The following MECOM variants were observed in gnomAD, a reference collection of about 807,000 sequenced individuals.
MECOM encodes MDS1 and EVI1 complex locus, also known as histone-lysine N-methyltransferase MECOM.
MECOM carries 13 observed loss-of-function variants against 116.3 expected under a neutral mutation model. That is an observed-to-expected ratio of 0.11 (90% CI 0.07 to 0.18). The LOEUF (loss-of-function observed/expected upper bound fraction) is 0.18. Among genes scored for constraint, MECOM ranks in the 10% least tolerant of loss-of-function variants. The pLI, the probability that MECOM is intolerant of heterozygous loss-of-function variation, is 1.00. For missense variants in MECOM, 1,299 were observed against 1,509.0 expected (o/e 0.86, Z 2.31); for synonymous variants, 528 against 535.2 (o/e 0.99, Z 0.19).
intron 1 of MECOM, among the ~76,000 whole-genome samples, chr3:169,585,633 G>A (rs1196663628): frequency 1.3e-5 from 2 of 152,188 alleles, no homozygotes; most frequent in Non-Finnish European, 2.9e-5. Context: ...TGTCAGACTG[G>A]TTTGCTGCCT....
intron 1 of MECOM, among the ~76,000 whole-genome samples, chr3:169,429,841 T>C (rs1741315516): frequency 6.6e-6 from 1 of 152,168 alleles, no homozygotes; most frequent in African/African-American, 2.4e-5. Context: ...TAAGATATTG[T>C]GCATAAAAAA....
At chr3:169,371,287 T>G (rs758935979) in intron 2 of MECOM, among the ~76,000 whole-genome samples, 23 of 151,950 alleles carry the variant, frequency 1.5e-4, no homozygotes, top group Non-Finnish European at 3.2e-4. Context: ...ATGATTTCAC[T>G]TATATGTGGA....
chr3:169,468,684 C>T (rs1748705954), intron 1 of MECOM, among the ~76,000 whole-genome samples: 1 of 152,176 alleles, frequency 6.6e-6, no homozygotes, highest in African/African-American at 2.4e-5. Context: ...AAATCAAATG[C>T]TATAAGCATT....
At chr3:169,358,809 G>A (rs146531050) in intron 2 of MECOM, among the ~76,000 whole-genome samples, 171 of 151,858 alleles carry the variant, frequency 1.1e-3, no homozygotes, top group African/African-American at 4.0e-3. Flanking sequence ...AAACGTAAGT[G>A]GCTTTCAAAA....
intron 2 of MECOM, among the ~76,000 whole-genome samples, chr3:169,340,097 G>T (rs915484403): frequency 2.6e-5 from 4 of 152,098 alleles, no homozygotes; most frequent in African/African-American, 7.2e-5. Context: ...TTACATACAT[G>T]CACATTTTTC....
rs1037209591 is a variant in MECOM, at chr3:169,611,249, T to C, written c.37+52087A>G. 2.0e-5 allele frequency among the ~76,000 whole-genome samples: 3 copies of C among 152,212 alleles called. No individual in the cohort carries two copies. The highest frequency in any genetic ancestry group is 1.3e-4 in the Admixed American group (2 of 15,280). On this transcript the variant is annotated intron_variant, in intron 1 of 16. Coordinates refer to ENST00000651503, the MANE Select transcript of MECOM (RefSeq NM_004991.4). This position sits in a 1 kb window ranked among gnomAD's most constrained non-coding sequence, Gnocchi z 4.1. Reference sequence around the variant, plus strand: ...TTGCAAATTCACCAAGAGTGACAGATAGTGCCTCGGGCACTGCCACTGTCT... The same window carrying C: ...TTGCAAATTCACCAAGAGTGACAGACAGTGCCTCGGGCACTGCCACTGTCT...
intron 1 of MECOM, among the ~76,000 whole-genome samples, chr3:169,574,060 T>G (rs1034450996): frequency 3.3e-5 from 5 of 152,212 alleles, no homozygotes; most frequent in Admixed American, 1.3e-4. Flanking sequence ...CTCCATACAT[T>G]TTTATGCTGT....
At chr3:169,196,366 T>C (rs1230456909) in intron 2 of MECOM, among the ~76,000 whole-genome samples, 1 of 152,016 alleles carries the variant, frequency 6.6e-6, no homozygotes, top group African/African-American at 2.4e-5. Flanking sequence ...AAAAGTAAAG[T>C]TGCTAGAGGC....
intron 2 of MECOM, among the ~76,000 whole-genome samples, chr3:169,176,361 T>A (rs1195427225): frequency 1.3e-5 from 2 of 152,048 alleles, no homozygotes; most frequent in African/African-American, 4.8e-5. Context: ...AAACAAGCAA[T>A]GAGGAAAGGA....
At chr3:169,366,847 G>A (rs1006540479) in intron 2 of MECOM, among the ~76,000 whole-genome samples, 7 of 152,148 alleles carry the variant, frequency 4.6e-5, no homozygotes, top group African/African-American at 1.7e-4. Context: ...GAGGCACAAA[G>A]CATCCATCTC....
chr3:169,357,548 T>A (rs1196175125), intron 2 of MECOM, among the ~76,000 whole-genome samples: 2 of 151,842 alleles, frequency 1.3e-5, no homozygotes, highest in Non-Finnish European at 2.9e-5. Context: ...CCCTTCTTCA[T>A]AAGCACATGC....
intron 1 of MECOM, among the ~76,000 whole-genome samples, chr3:169,639,641 A>G (rs1320885191): frequency 1.3e-5 from 2 of 152,236 alleles, no homozygotes; most frequent in Admixed American, 1.3e-4. Flanking sequence ...AATATCTTCC[A>G]AGTATATACT....
At chr3:169,382,879 A>AAAGAAG (rs1732702190) in intron 1 of MECOM, among the ~76,000 whole-genome samples, 16 of 138,538 alleles carry the variant, frequency 1.2e-4, no homozygotes, top group African/African-American at 2.7e-4. Context: ...AAAAATAAAA[A>AAAGAAG]AAGAAGGTAA....
At chr3:169,413,438 A>G (rs1737920273) in intron 1 of MECOM, among the ~76,000 whole-genome samples, 1 of 152,018 alleles carries the variant, frequency 6.6e-6, no homozygotes, top group African/African-American at 2.4e-5. Context: ...CCATTTGGGC[A>G]GACACCAAGC....
At chr3:169,341,469 C>T (rs1018554273) in intron 2 of MECOM, among the ~76,000 whole-genome samples, 9 of 148,736 alleles carry the variant, frequency 6.1e-5, no homozygotes, top group Admixed American at 2.0e-4. Flanking sequence ...GGGCCGAGCG[C>T]GGTGGCTCAC....
chr3:169,160,817 C>A (rs1577215507), intron 2 of MECOM, among the ~76,000 whole-genome samples: 1 of 151,824 alleles, frequency 6.6e-6, no homozygotes, highest in Non-Finnish European at 1.5e-5. Flanking sequence ...CTGCTATGTA[C>A]CCACAAAAAT....
chr3:169,312,365 ATTTTTTTTT>A (rs367932449), intron 2 of MECOM, among the ~76,000 whole-genome samples: 2 of 118,470 alleles, frequency 1.7e-5, no homozygotes, highest in African/African-American at 6.5e-5. Flanking sequence ...AATGACTGCA[ATTTTTTTTT>A]TTTTTTTTTT....
At chr3:169,200,541 G>A (rs1294074088) in intron 2 of MECOM, among the ~76,000 whole-genome samples, 1 of 152,042 alleles carries the variant, frequency 6.6e-6, no homozygotes, top group Non-Finnish European at 1.5e-5. Context: ...TGAGTAAAGT[G>A]GATGTGGGCA....
chr3:169,595,861 A>G (rs1250934985), intron 1 of MECOM, among the ~76,000 whole-genome samples: 1 of 152,302 alleles, frequency 6.6e-6, no homozygotes, highest in East Asian at 1.9e-4. Context: ...TTTAAAGTAG[A>G]CATTATTTTA....
Sources: allele counts gnomAD v4.1 joint callset (sites outside exome capture counted in the v4.1 genomes callset), GRCh38; gene constraint gnomAD v4.1.1; non-coding constraint Gnocchi (gnomAD v3.1); transcripts MANE v1.5; gene names NCBI Gene and HGNC (gene_info 2026-07-23, HGNC 2026-07-21).